Variants in SMAD6 observed in about 807,000 individuals in gnomAD.
SMAD6 encodes the protein SMAD family member 6, also known as MAD homolog 6.
SMAD6 carries 103 observed loss-of-function variants against 39.4 expected under a neutral mutation model. That is an observed-to-expected ratio of 2.62 (90% CI 2.23 to 3.08). The LOEUF is 3.08. Ranked by LOEUF, SMAD6 falls within the 30% of genes most tolerant of loss-of-function variation. The pLI, the probability that SMAD6 is intolerant of heterozygous loss-of-function variation, is 0.00. For synonymous variants in SMAD6, 445 were observed against 353.3 expected (o/e 1.26, Z -2.91); for missense variants, 1,104 against 742.9 (o/e 1.49, Z -5.65).
rs192629653 is a variant in SMAD6, at chr15:66,732,547, A to G, written c.952+16049A>G. ...TATTTTATTTTATATATTTTTCTAG[A>G]GACAGAGTCTTGCTATGTTGCCGAG... On this transcript the variant is annotated intron_variant, in intron 3 of 3. Coordinates refer to ENST00000288840, the MANE Select transcript of SMAD6 (RefSeq NM_005585.5). 8.9e-4 allele frequency among the ~76,000 whole-genome samples: 135 copies of G among 152,172 alleles called. 1 individual carries two copies. Among genetic ancestry groups the G allele is most frequent in the African/African-American group, 3.2e-3 (131 of 41,506 alleles).
At position 66,782,151 on chromosome 15, in the gene SMAD6, A is replaced by G; in HGVS notation, c.*616A>G. ...AGGGAGGAAAGTCACATTTACTCTT[A>G]AGTAAACCAGAGAAAGTTCTGTTGT... On this transcript the variant is annotated 3_prime_UTR_variant, in exon 4 of 4. Coordinates refer to ENST00000288840, the MANE Select transcript of SMAD6 (RefSeq NM_005585.5). 1 of 376,274 alleles carries G rather than the reference A, an allele frequency of 2.7e-6. No individual in the cohort carries two copies. Among genetic ancestry groups the G allele is most frequent in the Middle Eastern group, 6.7e-4 (1 of 1,488 alleles). 23.3% of individuals were successfully genotyped at this position (376,274 alleles called of 1,614,324 possible). A position where few individuals can be genotyped will look rare whatever the true frequency, so the allele number is the denominator to read the frequency against.
chr15:66,777,250 C>T lies in SMAD6; in HGVS notation c.953-3747C>T, dbSNP rs548769909. ...ACCCTCTGGATCAGACAAGAGACCC[C>T]AGTTTTTGCCCACCACGCTTCAGTG... On this transcript the variant is annotated intron_variant, in intron 3 of 3. Transcript: ENST00000288840. Among the ~76,000 whole-genome samples, 3 of 152,270 alleles carry T rather than the reference C, an allele frequency of 2.0e-5. No homozygotes were observed. In the South Asian group the frequency reaches 6.2e-4, roughly 32 times the overall value.
intron 3 of SMAD6, among the ~76,000 whole-genome samples, chr15:66,773,864 G>T (rs1447452610): frequency 6.6e-6 from 1 of 152,206 alleles, no homozygotes; most frequent in East Asian, 1.9e-4. Context: ...GCTCTTGGTA[G>T]GGTCTGGGCC....
chr15:66,729,735 A>T (rs1893591363), intron 3 of SMAD6, among the ~76,000 whole-genome samples: 1 of 152,128 alleles, frequency 6.6e-6, no homozygotes, highest in Non-Finnish European at 1.5e-5. Context: ...TGAGGTGTTT[A>T]TAGGCTTGAT....
At chr15:66,775,618 C>T in intron 3 of SMAD6, among the ~76,000 whole-genome samples, 1 of 152,168 alleles carries the variant, frequency 6.6e-6, no homozygotes, top group East Asian at 1.9e-4. Flanking sequence ...CTCTCCTCCT[C>T]CCCCTGGAAC....
Position 66,781,172 on chromosome 15 carries a change from C to T in SMAD6, c.1128C>T (p.Arg376=). 6.2e-7 allele frequency: 1 copy of T among 1,607,830 alleles called. No individual in the cohort carries two copies. Among genetic ancestry groups the T allele is most frequent in the Non-Finnish European group, 8.5e-7 (1 of 1,179,744 alleles). ...TGGGCCAGCTCAACCTGGAGCAGCG[C>T]AGCGAGTCGGTGCGGCGAACGCGCA... ...FCLGQLNLEQ[R]SESVRRTRSK... is the part of the protein sequence containing the mutation. Residue 376 remains arginine (R), a synonymous_variant, in exon 4 of 4, where the codon CGC becomes CGT. Transcript: ENST00000288840.
chr15:66,746,311 C>T (rs1893906863), intron 3 of SMAD6, among the ~76,000 whole-genome samples: 2 of 152,180 alleles, frequency 1.3e-5, no homozygotes, highest in African/African-American at 2.4e-5. Context: ...GCTGCATGAC[C>T]CATAGGCTCT....
chr15:66,737,798 A>T (rs1415687715), intron 3 of SMAD6, among the ~76,000 whole-genome samples: 1 of 151,984 alleles, frequency 6.6e-6, no homozygotes, highest in Non-Finnish European at 1.5e-5. Flanking sequence ...GCAAACCCAG[A>T]GCCTGGGACC....
At chr15:66,765,562 C>T (rs2140663907) in intron 3 of SMAD6, among the ~76,000 whole-genome samples, 2 of 152,274 alleles carry the variant, frequency 1.3e-5, no homozygotes, top group Middle Eastern at 3.4e-3. Flanking sequence ...GTATCCCTTT[C>T]CAGCTAGTAA....
intron 3 of SMAD6, among the ~76,000 whole-genome samples, chr15:66,771,973 GA>G (rs1456217563): frequency 6.6e-6 from 1 of 152,138 alleles, no homozygotes; most frequent in Non-Finnish European, 1.5e-5. Flanking sequence ...TGTGATATTT[GA>G]AAAGCCCACC....
intron 3 of SMAD6, among the ~76,000 whole-genome samples, chr15:66,748,276 T>A (rs1167245012): frequency 1.3e-5 from 2 of 151,872 alleles, no homozygotes; most frequent in Non-Finnish European, 2.9e-5. Flanking sequence ...AGGGAGGAAT[T>A]AAATATCAGA....
intron 3 of SMAD6, among the ~76,000 whole-genome samples, chr15:66,736,410 T>C (rs1893712885): frequency 6.6e-6 from 1 of 152,122 alleles, no homozygotes; most frequent in African/African-American, 2.4e-5. Context: ...AGGTTACACA[T>C]CTTGTAAATG....
intron 3 of SMAD6, among the ~76,000 whole-genome samples, chr15:66,746,005 A>T (rs1595784376): frequency 1.3e-5 from 2 of 152,016 alleles, no homozygotes; most frequent in Non-Finnish European, 2.9e-5. Flanking sequence ...GCCATTAGGG[A>T]TGTGTACTAG....
chr15:66,769,170 C>T (rs1894339078), intron 3 of SMAD6, among the ~76,000 whole-genome samples: 1 of 152,158 alleles, frequency 6.6e-6, no homozygotes, highest in Admixed American at 6.5e-5. Context: ...AGGTAATCAC[C>T]TAGAGGAAAC....
Position 66,761,745 on chromosome 15 carries a change from C to G in SMAD6, c.953-19252C>G, listed in dbSNP as rs546206933. ...GAGGTCAGGCTGAATAATCTCTAGC[C>G]CAGACATTCCCAAGGAATCCTTTAG... On this transcript the variant is annotated intron_variant, in intron 3 of 3. Coordinates refer to ENST00000288840, the MANE Select transcript of SMAD6 (RefSeq NM_005585.5). 7.2e-5 allele frequency among the ~76,000 whole-genome samples: 11 copies of G among 152,248 alleles called. No individual in the cohort carries two copies. In the East Asian group the frequency reaches 1.9e-3, roughly 27 times the overall value.
chr15:66,780,957 C>T (rs762528219), intron 3 of SMAD6, 40 bp from the exon 4 acceptor site: 1 of 1,508,524 alleles, frequency 6.6e-7, no homozygotes, highest in Non-Finnish European at 8.9e-7. Flanking sequence ...CCCACCTCCC[C>T]ACCCAGAATA....
intron 3 of SMAD6, among the ~76,000 whole-genome samples, chr15:66,770,378 T>C (rs1289555728): frequency 6.6e-6 from 1 of 151,896 alleles, no homozygotes; most frequent in African/African-American, 2.4e-5. Context: ...CGGGCACTGG[T>C]TTATATGTGA....
chr15:66,712,077 C>T (rs926751739), intron 2 of SMAD6, among the ~76,000 whole-genome samples: 5 of 152,332 alleles, frequency 3.3e-5, no homozygotes, highest in Admixed American at 2.6e-4. Flanking sequence ...CTTGGGCCCC[C>T]CAGCCTTGGG....
At position 66,782,023 on chromosome 15, in the gene SMAD6, G is replaced by T. The variant is rs920311059; in HGVS notation, c.*488G>T. ...AAACTGTCTTCTTTTTACAAAGAGG[G>T]GCAGGTAGGGCTTCAGCGGATTTCT... On this transcript the variant is annotated 3_prime_UTR_variant, in exon 4 of 4. Coordinates refer to ENST00000288840, the MANE Select transcript of SMAD6 (RefSeq NM_005585.5). The T allele has an allele frequency of 5.0e-6, 2 of 398,608 alleles. No homozygotes were observed. The highest frequency in any genetic ancestry group is 1.3e-4 in the South Asian group (1 of 7,748). The allele number at this position is 398,608 out of a possible 1,614,324, so 24.7% of individuals were successfully genotyped here.
Sources: gnomAD v4.1 joint callset for allele counts (sites outside exome capture counted in the v4.1 genomes callset) on GRCh38, gnomAD v4.1.1 for gene constraint, MANE v1.5 for transcripts, NCBI Gene and HGNC (gene_info 2026-07-23, HGNC 2026-07-21) for gene names.